Variants in OR3A2 observed in about 807,000 individuals in gnomAD.
The protein encoded by OR3A2 is olfactory receptor 3A2.
For missense variants in OR3A2, 318 were observed against 392.8 expected, an observed-to-expected ratio of 0.81 and a Z score of 1.61; for synonymous variants, 126 against 159.3, an observed-to-expected ratio of 0.79 and a Z score of 1.57.
intron 3 of OR3A2, among the ~76,000 whole-genome samples, chr17:3,331,409 C>T (rs1436684073): frequency 6.6e-6 from 1 of 151,000 alleles, no homozygotes; most frequent in African/African-American, 2.4e-5. Flanking sequence ...AGGCTTTGCT[C>T]ATTTCTTTTT....
chr17:3,358,370 G>C lies in OR3A2; in HGVS notation c.-178-22244C>G, dbSNP rs145634822. On this transcript the variant is annotated intron_variant, in intron 2 of 4. Transcript: ENST00000573491. Reference sequence around the variant, plus strand: ...TTTAATCTTTGACTTGTGAAGTTATGTTGTTAATTTGATATCTTTTTAACT... The same window carrying C: ...TTTAATCTTTGACTTGTGAAGTTATCTTGTTAATTTGATATCTTTTTAACT... 1.7e-3 allele frequency among the ~76,000 whole-genome samples: 255 copies of C among 151,652 alleles called. 10 individuals are homozygous for C. In the Middle Eastern group the frequency reaches 0.017, roughly 10 times the overall value.
chr17:3,322,644 A>G (rs959269740), intron 3 of OR3A2, among the ~76,000 whole-genome samples: 33 of 152,312 alleles, frequency 2.2e-4, no homozygotes, highest in African/African-American at 7.7e-4. Context: ...GTAGTCATTC[A>G]GGAGCAGGTT....
At chr17:3,372,789 G>T (rs531177124) in intron 2 of OR3A2, among the ~76,000 whole-genome samples, 3 of 150,222 alleles carry the variant, frequency 2.0e-5, no homozygotes, top group African/African-American at 7.3e-5. Flanking sequence ...GTCCAGCTTC[G>T]GCTCGGCATC....
At chr17:3,356,503 G>A (rs1399341263) in intron 2 of OR3A2, among the ~76,000 whole-genome samples, 2 of 151,306 alleles carry the variant, frequency 1.3e-5, no homozygotes, top group Non-Finnish European at 1.5e-5. Flanking sequence ...GCAACCATAT[G>A]CAAATAAATT....
chr17:3,322,334 A>G (rs1685497038), intron 3 of OR3A2, among the ~76,000 whole-genome samples: 1 of 151,972 alleles, frequency 6.6e-6, no homozygotes. Flanking sequence ...TCCTGGATTC[A>G]TTAATTTTTT....
intron 2 of OR3A2, among the ~76,000 whole-genome samples, chr17:3,379,329 A>T (rs2049713469): frequency 6.6e-6 from 1 of 152,178 alleles, no homozygotes; most frequent in Non-Finnish European, 1.5e-5. Context: ...CACGACAGTC[A>T]AAAGGCTTCA....
In OR3A2 at chr17:3,352,509, C is replaced by T. The variant is rs541273745; in HGVS notation, c.-178-16383G>A. Among the ~76,000 whole-genome samples the T allele has an allele frequency of 1.2e-3, 186 of 151,890 alleles. No homozygotes were observed. In the Middle Eastern group the frequency reaches 0.024, roughly 19 times the overall value. On this transcript the variant is annotated intron_variant, in intron 2 of 4. Transcript: ENST00000573491. Reference sequence around the variant, plus strand: ...TTCCCAACACCATTTGTTAAAGAGACTGTCTTTTCCCCAGTGTATATCTTG... The same window carrying T: ...TTCCCAACACCATTTGTTAAAGAGATTGTCTTTTCCCCAGTGTATATCTTG...
chr17:3,341,955 GTTCGT>G (rs1288331110), intron 2 of OR3A2, among the ~76,000 whole-genome samples: 2 of 152,122 alleles, frequency 1.3e-5, no homozygotes, highest in Non-Finnish European at 2.9e-5. Context: ...TGAAGGCTTT[GTTCGT>G]TTCTTTTTAC....
rs746055314 is a variant in OR3A2, at chr17:3,311,108, T to C, written c.-85+24925A>G. The C allele has an allele frequency of 1.8e-6, 1 of 542,090 alleles. No homozygotes were observed. Among genetic ancestry groups the C allele is most frequent in the Non-Finnish European group, 3.8e-6 (1 of 264,898 alleles). 33.6% of individuals were successfully genotyped at this position (542,090 alleles called of 1,614,324 possible). On this transcript the variant is annotated intron_variant, in intron 3 of 4. Coordinates refer to the OR3A2 transcript ENST00000573491. The surrounding 1 kb of genome is among the most constrained non-coding windows in gnomAD (Gnocchi z 4.6). Reference sequence around the variant, plus strand: ...GCGTCTTCAGCTACACAAGGCTGGGTTCAGTGGAGTCTTCGGACAAGGACA... The same window carrying C: ...GCGTCTTCAGCTACACAAGGCTGGGCTCAGTGGAGTCTTCGGACAAGGACA...
chr17:3,345,545 G>T (rs915088864), intron 2 of OR3A2, among the ~76,000 whole-genome samples: 1 of 151,806 alleles, frequency 6.6e-6, no homozygotes, highest in South Asian at 2.1e-4. Context: ...AATAAGAAGA[G>T]CCCATAAAAA....
chr17:3,334,320 C>A (rs1025654325), intron 3 of OR3A2, among the ~76,000 whole-genome samples: 25 of 152,152 alleles, frequency 1.6e-4, no homozygotes, highest in Non-Finnish European at 2.9e-4. Context: ...CCATTCCTGG[C>A]CTCTGGTAAC....
chr17:3,340,629 G>GAT (rs1555528506), intron 2 of OR3A2, among the ~76,000 whole-genome samples: 1 of 151,406 alleles, frequency 6.6e-6, no homozygotes, highest in Non-Finnish European at 1.5e-5. Flanking sequence ...TGTGGTCAGA[G>GAT]AGTTTGTTGT....
At chr17:3,352,269 T>C (rs1387108983) in intron 2 of OR3A2, among the ~76,000 whole-genome samples, 2 of 151,236 alleles carry the variant, frequency 1.3e-5, no homozygotes, top group African/African-American at 4.9e-5. Flanking sequence ...GTGATCTCAT[T>C]TGTCCATTTT....
At chr17:3,306,921 T>A (rs1271128454) in intron 3 of OR3A2, among the ~76,000 whole-genome samples, 1 of 152,198 alleles carries the variant, frequency 6.6e-6, no homozygotes, top group East Asian at 1.9e-4. Flanking sequence ...CTCTTATACT[T>A]CCAAGTTTTT....
At chr17:3,363,198 C>T (rs1052948182) in intron 2 of OR3A2, among the ~76,000 whole-genome samples, 1 of 151,818 alleles carries the variant, frequency 6.6e-6, no homozygotes, top group Non-Finnish European at 1.5e-5. Flanking sequence ...GTCTTTTCTA[C>T]CTCATGGTCA....
chr17:3,310,804 C>G (rs531978088), intron 3 of OR3A2: 1 of 720,630 alleles, frequency 1.4e-6, no homozygotes, highest in African/African-American at 1.9e-5. Flanking sequence ...CAAACTGTTG[C>G]CCTGTCTCCT....
At chr17:3,280,273 A>ATTTT (rs200615690) in intron 1 of OR3A2, among the ~76,000 whole-genome samples, 338 of 141,312 alleles carry the variant, frequency 2.4e-3, no homozygotes, top group African/African-American at 8.1e-3. Context: ...CATTTTTCAG[A>ATTTT]TTTTTTTTTT....
chr17:3,285,259 T>C (rs1221564874), upstream of OR3A2, among the ~76,000 whole-genome samples: 1 of 152,108 alleles, frequency 6.6e-6, no homozygotes, highest in Non-Finnish European at 1.5e-5. Context: ...GAGAGAGGGC[T>C]CCTTCTTCTC....
chr17:3,323,003 C>A (rs1055909169), intron 3 of OR3A2, among the ~76,000 whole-genome samples: 1 of 152,078 alleles, frequency 6.6e-6, no homozygotes, highest in Non-Finnish European at 1.5e-5. Flanking sequence ...GTGTGGGAGT[C>A]TAAGTCTCTT....
Sources: gnomAD v4.1 joint callset for allele counts (sites outside exome capture counted in the v4.1 genomes callset) on GRCh38, gnomAD v4.1.1 for gene constraint, Gnocchi (gnomAD v3.1) non-coding constraint, MANE v1.5 for transcripts, NCBI Gene and HGNC (gene_info 2026-07-23, HGNC 2026-07-21) for gene names.